ZNF333: variants seen among roughly 807,000 people sequenced by gnomAD.
The protein encoded by ZNF333 is zinc finger protein 333.
In ZNF333, 61 loss-of-function variants were observed where a neutral mutation model predicts 76.1. That is an observed-to-expected ratio of 0.80 (90% CI 0.65 to 0.99). ZNF333 has a LOEUF of 0.99. Among genes scored for constraint, ZNF333 ranks in the 50% least tolerant of loss-of-function variants. The probability of loss-of-function intolerance (pLI) is 0.00; values close to 1 mark genes in which losing one functional copy is unlikely to be tolerated. For synonymous variants in ZNF333, 284 were observed against 305.0 expected (o/e 0.93, Z 0.72); for missense variants, 717 against 822.4 (o/e 0.87, Z 1.57).
rs1295601506 is a variant in ZNF333 at position 14,718,280 on chromosome 19, C to T, written c.953C>T (p.Pro318Leu). The T allele has an allele frequency of 1.9e-6, 3 of 1,613,928 alleles. No homozygotes were observed. Among genetic ancestry groups the T allele is most frequent in the African/African-American group, 1.3e-5 (1 of 74,872 alleles). ...KLYKYNELEK[P>L]FNSIEPLFQY... The stretch of plus-strand genomic sequence containing the variant: ...TATAAATATAATGAACTTGAGAAAC[C>T]TTTTAACAGCATTGAACCACTTTTC... Residue 318 changes from proline (P) to leucine (L), a missense_variant, in exon 12 of 12, where the codon CCT becomes CTT. Coordinates refer to ENST00000292530, the MANE Select transcript of ZNF333 (RefSeq NM_032433.4).
chr19:14,717,891 T>C (rs2042481592), intron 11 of ZNF333, among the ~76,000 whole-genome samples, 158 bp downstream of exon 11: 1 of 152,230 alleles, frequency 6.6e-6, no homozygotes, highest in African/African-American at 2.4e-5. Context: ...GTGAATGTCA[T>C]GAATTGGTGG....
At position 14,718,934 on chromosome 19, in the gene ZNF333, G is replaced by T; in HGVS notation, c.1607G>T (p.Cys536Phe). Residue 536 changes from cysteine to phenylalanine, a missense_variant, in exon 12 of 12, where the codon TGC becomes TTC. Coordinates refer to ENST00000292530, the MANE Select transcript of ZNF333 (RefSeq NM_032433.4). Reference sequence around the variant, plus strand: ...CACACAGGGGAGAAACTGTATGAGTGCGCGACTTGCGGTCAGGTCTTGAGT... The same window carrying T: ...CACACAGGGGAGAAACTGTATGAGTTCGCGACTTGCGGTCAGGTCTTGAGT... ...RIHTGEKLYE[C>F]ATCGQVLSRL... The T allele has an allele frequency of 6.2e-7, 1 of 1,614,096 alleles. No individual in the cohort carries two copies. Among genetic ancestry groups the T allele is most frequent in the Non-Finnish European group, 8.5e-7 (1 of 1,179,974 alleles).
chr19:14,693,391 C>T lies in ZNF333; in HGVS notation c.-41-60C>T, dbSNP rs1010568608. The T allele has an allele frequency of 3.6e-6, 5 of 1,386,314 alleles. No individual in the cohort carries two copies. In the African/African-American group the frequency reaches 5.7e-5, roughly 16 times the overall value. The allele number at this position is 1,386,314 out of a possible 1,614,324, so 85.9% of individuals were successfully genotyped here. On this transcript the variant is annotated intron_variant, in intron 1 of 11. Transcript: ENST00000292530. ...TTGTGACCACTCTGCTGGAGATCCC[C>T]CAAAATGCTCTGCTTCCGTCCTCAC...
chr19:14,716,538 C>T (rs1177628067), intron 9 of ZNF333, among the ~76,000 whole-genome samples: 1 of 152,194 alleles, frequency 6.6e-6, no homozygotes, highest in Non-Finnish European at 1.5e-5. Flanking sequence ...GGATTGCAGA[C>T]ATGAGCCACT....
rs961354067 is a variant in ZNF333, at chr19:14,712,712, G to T, written c.512-2670G>T. On this transcript the variant is annotated intron_variant, in intron 7 of 11. Coordinates refer to ENST00000292530, the MANE Select transcript of ZNF333 (RefSeq NM_032433.4). ...CAGCCCTCCCGTCTCTGCCTGTGTT[G>T]CCTCATGGCTGTGTCACCTCTGTGT... 4.3e-4 allele frequency among the ~76,000 whole-genome samples: 65 copies of T among 152,034 alleles called. 1 individual carries two copies. Among genetic ancestry groups the T allele is most frequent in the African/African-American group, 1.5e-3 (62 of 41,392 alleles).
chr19:14,709,256 C>T (rs1440209550), intron 7 of ZNF333: 2 of 152,282 alleles, frequency 1.3e-5, no homozygotes, highest in Non-Finnish European at 2.9e-5. Context: ...ATAAATTCCC[C>T]AGTCTCAGGT....
chr19:14,698,143 T>C (rs1973358321), intron 4 of ZNF333, among the ~76,000 whole-genome samples: 1 of 152,020 alleles, frequency 6.6e-6, no homozygotes, highest in Non-Finnish European at 1.5e-5. Flanking sequence ...CCCGGCACTT[T>C]GGGTGGATCA....
Position 14,715,212 on chromosome 19 carries a change from C to T in ZNF333, c.512-170C>T, listed in dbSNP as rs185249297. The stretch of plus-strand genomic sequence containing the variant: ...GTGTGTGCATGTGATTGCATGCATG[C>T]GTGTGCAAGAGCTTGCAGATATGTG... On this transcript the variant is annotated intron_variant, in intron 7 of 11. Transcript: ENST00000292530. 98 of 589,988 alleles carry T rather than the reference C, an allele frequency of 1.7e-4. No individual in the cohort carries two copies. In the Admixed American group the frequency reaches 2.1e-3, roughly 13 times the overall value. 36.5% of individuals were successfully genotyped at this position (589,988 alleles called of 1,614,324 possible). A position where few individuals can be genotyped will look rare whatever the true frequency, so the allele number is the denominator to read the frequency against.
At chr19:14,703,845 A>T (rs191312929) in intron 5 of ZNF333, among the ~76,000 whole-genome samples, 1 of 152,188 alleles carries the variant, frequency 6.6e-6, no homozygotes, top group Non-Finnish European at 1.5e-5. Context: ...GGATTTGGAG[A>T]TGAAGTTGGC....
chr19:14,714,921 C>T (rs1035054128), intron 7 of ZNF333: 6 of 158,116 alleles, frequency 3.8e-5, no homozygotes, highest in South Asian at 1.8e-4. Context: ...GCCAGGCAGC[C>T]GGGGAGGAAA....
chr19:14,699,821 C>A (rs1462294195), intron 5 of ZNF333, among the ~76,000 whole-genome samples: 2 of 152,072 alleles, frequency 1.3e-5, no homozygotes, highest in Non-Finnish European at 2.9e-5. Context: ...GTCAGAAAAA[C>A]CCCTCCTGGT....
chr19:14,724,422 G>T (rs907064253), downstream of ZNF333, among the ~76,000 whole-genome samples: 1 of 152,134 alleles, frequency 6.6e-6, no homozygotes, highest in Non-Finnish European at 1.5e-5. Flanking sequence ...TGGCTCACAC[G>T]AGGATGGGTC....
At chr19:14,724,574 T>A (rs1241804375), downstream of ZNF333, among the ~76,000 whole-genome samples, 2 of 152,204 alleles carry the variant, frequency 1.3e-5, no homozygotes, top group East Asian at 1.9e-4. Flanking sequence ...GAGACCAGCC[T>A]GGCCAACATG....
In ZNF333 at chr19:14,704,907, T is replaced by G. The variant is rs568350760; in HGVS notation, c.307-147T>G. 3.6e-4 allele frequency: 232 copies of G among 641,066 alleles called. 1 individual carries two copies. Among genetic ancestry groups the G allele is most frequent in the Middle Eastern group, 2.2e-3 (5 of 2,262 alleles). The allele number at this position is 641,066 out of a possible 1,614,324, so 39.7% of individuals were successfully genotyped here. On this transcript the variant is annotated intron_variant, in intron 5 of 11. Transcript: ENST00000292530. The stretch of plus-strand genomic sequence containing the variant: ...AATTCTTCACCTCAGCCTCCCAAAG[T>G]GCTGGGATTATGGGCATGAGCCACT...
intron 5 of ZNF333, among the ~76,000 whole-genome samples, chr19:14,699,887 C>G (rs562093941): frequency 6.6e-6 from 1 of 152,114 alleles, no homozygotes; most frequent in African/African-American, 2.4e-5. Context: ...GCAACACACT[C>G]GACGAACTCC....
chr19:14,690,343 T>A lies in ZNF333; in HGVS notation c.-42+193T>A, dbSNP rs867279101. On this transcript the variant is annotated intron_variant, in intron 1 of 11. Transcript: ENST00000292530. ...CGCCGCCCGGTCTCTCGCTCTCAGG[T>A]ACCCCCCGTCCGGGCAGACAGGGCT... Among the ~76,000 whole-genome samples the A allele has an allele frequency of 2.6e-5, 4 of 152,296 alleles. No homozygotes were observed. The South Asian group carries it at 6.2e-4, about 24-fold the overall frequency.
chr19:14,729,018 G>C (rs769986670), intron 11 of ZNF333, among the ~76,000 whole-genome samples: 7 of 152,178 alleles, frequency 4.6e-5, no homozygotes, highest in Non-Finnish European at 8.8e-5. Context: ...GGGACGTGCA[G>C]TTTTGAAGGG....
At chr19:14,693,345 A>C (rs2146945588) in intron 1 of ZNF333, 106 bp from the exon 2 acceptor site, 1 of 759,344 alleles carries the variant, frequency 1.3e-6, no homozygotes, top group East Asian at 2.9e-5. Context: ...TATGGAGATA[A>C]ATGTCCTGTA....
chr19:14,690,478 A>G (rs1344340594), intron 1 of ZNF333, among the ~76,000 whole-genome samples: 2 of 152,226 alleles, frequency 1.3e-5, no homozygotes, highest in African/African-American at 4.8e-5. Context: ...GGGAAAGTGC[A>G]TAAAGACGGC....
Sources: allele counts gnomAD v4.1 joint callset (sites outside exome capture counted in the v4.1 genomes callset), GRCh38; gene constraint gnomAD v4.1.1; transcripts MANE v1.5; gene names NCBI Gene and HGNC (gene_info 2026-07-23, HGNC 2026-07-21).